Variants in MAP4 observed in about 807,000 individuals in gnomAD.
MAP4 encodes microtubule associated protein 4, also known as microtubule-associated protein 4.
Under a neutral mutation model 170.2 loss-of-function variants are expected in MAP4, and 76 were observed. The ratio of observed to expected loss-of-function variants is 0.45; its 90% confidence interval spans 0.37 to 0.54. The LOEUF is 0.54. Among genes scored for constraint, MAP4 ranks in the 20% least tolerant of loss-of-function variants. The probability of loss-of-function intolerance (pLI) is 0.00; values close to 1 mark genes in which losing one functional copy is unlikely to be tolerated. For missense variants in MAP4, 2,506 were observed against 2,748.0 expected, an observed-to-expected ratio of 0.91 and a Z score of 1.97; for synonymous variants, 909 against 994.5, an observed-to-expected ratio of 0.91 and a Z score of 1.62.
At chr3:47,907,487 A>G (rs1199166629) in intron 9 of MAP4, among the ~76,000 whole-genome samples, 1 of 152,168 alleles carries the variant, frequency 6.6e-6, no homozygotes, top group Non-Finnish European at 1.5e-5. Flanking sequence ...TTTATAGAAG[A>G]AACAATAAAT....
chr3:47,868,681 T>C (rs1194719395), intron 16 of MAP4, among the ~76,000 whole-genome samples: 2 of 152,292 alleles, frequency 1.3e-5, no homozygotes, highest in African/African-American at 2.4e-5. Context: ...TGCATACCTA[T>C]ACTAAGTGGG....
chr3:48,061,839 G>T lies in MAP4; in HGVS notation c.-20+26934C>A, dbSNP rs1290157879. Among the ~76,000 whole-genome samples the T allele has an allele frequency of 3.5e-5, 5 of 144,696 alleles. No homozygotes were observed. In the East Asian group the frequency reaches 8.2e-4, roughly 24 times the overall value. The allele number at this position is 144,696 out of a possible 152,430, so 94.9% of individuals were successfully genotyped here. A position where few individuals can be genotyped will look rare whatever the true frequency, so the allele number is the denominator to read the frequency against. On this transcript the variant is annotated intron_variant, in intron 1 of 18. Coordinates refer to the MAP4 transcript ENST00000360240. ...CAGCCGCCCCATCCGGGAGGGAGGT[G>T]GGGGGCAGCCCCCGCCCGGCCAGCC...
At position 47,950,033 on chromosome 3, in the gene MAP4, C is replaced by T. The variant is rs78700949; in HGVS notation, c.293-21683G>A. 6.9e-3 allele frequency among the ~76,000 whole-genome samples: 1,058 copies of T among 152,306 alleles called. 3 individuals carry two copies. Among genetic ancestry groups the T allele is most frequent in the Non-Finnish European group, 0.01 (681 of 68,030 alleles). ...GCTTTTAACCCTCGGCTGGTGCCAT[C>T]CTCAGGAACTTAAAACTGCAACAGA... On this transcript the variant is annotated intron_variant, in intron 3 of 20. Transcript: ENST00000683076.
At position 47,924,897 on chromosome 3, in the gene MAP4, G is replaced by A. The variant is rs1306248180; in HGVS notation, c.416-3019C>T. 2.6e-5 allele frequency among the ~76,000 whole-genome samples: 4 copies of A among 151,578 alleles called. No individual in the cohort carries two copies. The South Asian group carries it at 6.2e-4, about 24-fold the overall frequency. Reference sequence around the variant, plus strand: ...GTGATCTCAGCTTACTGCAACCTCCGCCTCCCAGGTTCAAGCAATTCTCCT... The same window carrying A: ...GTGATCTCAGCTTACTGCAACCTCCACCTCCCAGGTTCAAGCAATTCTCCT... On this transcript the variant is annotated intron_variant, in intron 4 of 20. Transcript: ENST00000683076.
intron 3 of MAP4, among the ~76,000 whole-genome samples, chr3:47,953,571 G>A (rs2100065887): frequency 6.6e-6 from 1 of 152,172 alleles, no homozygotes. Context: ...TATGTTTAAT[G>A]AGGTGGAGAT....
At chr3:47,955,498 CATT>C in intron 3 of MAP4, among the ~76,000 whole-genome samples, 1 of 150,750 alleles carries the variant, frequency 6.6e-6, no homozygotes, top group East Asian at 1.9e-4. Flanking sequence ...ACTATACTGA[CATT>C]ATGCTAATTG....
Position 47,904,649 on chromosome 3 carries a change from T to G in MAP4, c.5384-1649A>C, listed in dbSNP as rs76979347. 5.6e-4 allele frequency among the ~76,000 whole-genome samples: 17 copies of G among 30,290 alleles called. No homozygotes were observed. The East Asian group carries it at 6.4e-3, about 11-fold the overall frequency. The allele number at this position is 30,290 out of a possible 152,430, so 19.9% of individuals were successfully genotyped here. The stretch of plus-strand genomic sequence containing the variant: ...CCACTAATAATATCTTTTTTTTTTT[T>G]GGGCGGGGGGGCTAGAGAGGGGCGG... On this transcript the variant is annotated intron_variant, in intron 9 of 20. Coordinates refer to ENST00000683076, the MANE Select transcript of MAP4 (RefSeq NM_001385682.1).
intron 3 of MAP4, among the ~76,000 whole-genome samples, chr3:47,944,713 G>A (rs535801365): frequency 6.6e-6 from 1 of 151,792 alleles, no homozygotes; most frequent in South Asian, 2.1e-4. Flanking sequence ...CTCTGGCTAT[G>A]AGCACAGTTA....
chr3:47,981,222 G>A (rs1385372787), intron 2 of MAP4, among the ~76,000 whole-genome samples: 1 of 152,144 alleles, frequency 6.6e-6, no homozygotes, highest in Non-Finnish European at 1.5e-5. Flanking sequence ...AGCACTTCGT[G>A]TTACCGATAC....
rs145444559 is a variant in MAP4 at position 47,880,180 on chromosome 3, C to T, written c.5435-2657G>A. 6.0e-4 allele frequency among the ~76,000 whole-genome samples: 91 copies of T among 151,710 alleles called. 2 individuals carry two copies. In the East Asian group the frequency reaches 0.015, roughly 25 times the overall value. The stretch of plus-strand genomic sequence containing the variant: ...GCAGTGGTGTGATCTCAGCTCACTG[C>T]AAGCTCCGCCTCCTGCCATTCTCCT... On this transcript the variant is annotated intron_variant, in intron 10 of 20. Coordinates refer to ENST00000683076, the MANE Select transcript of MAP4 (RefSeq NM_001385682.1).
chr3:48,011,784 C>T (rs1464494233), intron 1 of MAP4, among the ~76,000 whole-genome samples: 1 of 152,108 alleles, frequency 6.6e-6, no homozygotes, highest in African/African-American at 2.4e-5. Flanking sequence ...AGCAACTATT[C>T]AGTTGCTTTT....
Position 47,878,786 on chromosome 3 carries a change from C to T in MAP4, c.5435-1263G>A, listed in dbSNP as rs147931548. Among the ~76,000 whole-genome samples the T allele has an allele frequency of 4.4e-3, 674 of 152,276 alleles. 6 individuals are homozygous for T. The highest frequency in any genetic ancestry group is 0.024 in the Middle Eastern group (7 of 294). Reference sequence around the variant, plus strand: ...CTCCTGACTTCAAGTGATCCACCCACCTCAGCCTCCCAAAGTGCTGGGATT... The same window carrying T: ...CTCCTGACTTCAAGTGATCCACCCATCTCAGCCTCCCAAAGTGCTGGGATT... On this transcript the variant is annotated intron_variant, in intron 10 of 20. Transcript: ENST00000683076.
chr3:48,035,480 A>T (rs1264931058), intron 1 of MAP4, among the ~76,000 whole-genome samples: 1 of 151,932 alleles, frequency 6.6e-6, no homozygotes, highest in Non-Finnish European at 1.5e-5. Flanking sequence ...CAAAAAATTT[A>T]AAAATTAGCC....
chr3:47,911,049 T>G lies in MAP4; in HGVS notation c.3372A>C (p.Ser1124=). 5.2e-6 allele frequency: 8 copies of G among 1,536,180 alleles called. No homozygotes were observed. Among genetic ancestry groups the G allele is most frequent in the Non-Finnish European group, 6.1e-6 (7 of 1,146,912 alleles). The change falls in exon 9 of 21, where the codon TCA becomes TCC. Residue 1124 remains serine, a synonymous_variant. Coordinates refer to ENST00000683076, the MANE Select transcript of MAP4 (RefSeq NM_001385682.1). This position sits in a 1 kb window ranked among gnomAD's most constrained non-coding sequence, Gnocchi z 4.0. ...DKSEELGLNS[S]KQPGTKADLT... ...GATCAGCCTTAGTGCCTGGTTGCTT[T>G]GAAGAATTCAGCCCCAGCTCCTCAC...
chr3:48,052,789 A>C (rs1579589682), intron 1 of MAP4, among the ~76,000 whole-genome samples: 1 of 152,340 alleles, frequency 6.6e-6, no homozygotes, highest in East Asian at 1.9e-4. Context: ...ACAGTGATGA[A>C]CATCTCAAAC....
intron 16 of MAP4, among the ~76,000 whole-genome samples, chr3:47,868,966 C>A (rs2085734674): frequency 6.6e-6 from 1 of 152,214 alleles, no homozygotes. Context: ...TCCATTTTAT[C>A]CAGCCAAAAA....
At position 48,024,180 on chromosome 3, in the gene MAP4, C is replaced by T. The variant is rs140362104; in HGVS notation, c.-19-25301G>A. On this transcript the variant is annotated intron_variant, in intron 1 of 18. Transcript: ENST00000360240. ...CAAAAATTAGCTGGGCGTGGTGGAG[C>T]GTGCCTGTAGTCCCAGCTACTCGGG... is the stretch of plus-strand genomic sequence containing the variant. Among the ~76,000 whole-genome samples the T allele has an allele frequency of 3.3e-5, 5 of 152,012 alleles. No individual in the cohort carries two copies. In the East Asian group the frequency reaches 9.7e-4, roughly 29 times the overall value.
intron 3 of MAP4, among the ~76,000 whole-genome samples, chr3:47,944,265 A>C (rs1361784466): frequency 6.6e-6 from 1 of 152,048 alleles, no homozygotes; most frequent in Non-Finnish European, 1.5e-5. Context: ...AGCCAAGATC[A>C]CGTCACTGCA....
At chr3:47,905,608 A>G (rs923235649) in intron 9 of MAP4, among the ~76,000 whole-genome samples, 5 of 151,864 alleles carry the variant, frequency 3.3e-5, no homozygotes, top group Non-Finnish European at 5.9e-5. Context: ...AATGAAAAAT[A>G]TTAATAGAAG....
Sources: gnomAD v4.1 joint callset for allele counts (sites outside exome capture counted in the v4.1 genomes callset) on GRCh38, gnomAD v4.1.1 for gene constraint, Gnocchi (gnomAD v3.1) non-coding constraint, MANE v1.5 for transcripts, NCBI Gene and HGNC (gene_info 2026-07-23, HGNC 2026-07-21) for gene names.